Variants in PLEKHA8 observed in about 807,000 individuals in gnomAD.
PLEKHA8 encodes pleckstrin homology domain-containing family A member 8.
PLEKHA8 carries 36 observed loss-of-function variants against 68.2 expected under a neutral mutation model. That is an observed-to-expected ratio of 0.53 (90% confidence interval 0.40 to 0.70). The LOEUF (loss-of-function observed/expected upper bound fraction) is 0.70, where lower values mean the gene tolerates loss of function less well. Ranked by LOEUF, PLEKHA8 falls within the 30% of genes least tolerant of loss-of-function variation. The pLI is 0.00. For missense variants in PLEKHA8, 505 were observed against 615.4 expected (o/e 0.82, Z 1.90); for synonymous variants, 211 against 216.1 (o/e 0.98, Z 0.20).
chr7:30,051,507 G>A (rs17326236), intron 6 of PLEKHA8, among the ~76,000 whole-genome samples: 23,190 of 151,764 alleles, frequency 0.15, 1,791 homozygotes, highest in Middle Eastern at 0.2. Flanking sequence ...ATTAGGCTAG[G>A]TATAATCACC....
At chr7:30,076,488 A>G (rs1262652782) in intron 13 of PLEKHA8, among the ~76,000 whole-genome samples, 1 of 152,200 alleles carries the variant, frequency 6.6e-6, no homozygotes, top group African/African-American at 2.4e-5. Context: ...AGCACTTAAC[A>G]TGCACTAGAT....
chr7:30,056,748 T>TAAAAAAA (rs1562870903), intron 9 of PLEKHA8, among the ~76,000 whole-genome samples: 1 of 69,614 alleles, frequency 1.4e-5, no homozygotes, highest in Non-Finnish European at 2.7e-5. Flanking sequence ...AAAAAGTGTG[T>TAAAAAAA]GTGTGTGTGT....
downstream of PLEKHA8, chr7:30,129,555 A>G (rs944114771): frequency 5.3e-5 from 28 of 528,886 alleles, no homozygotes; most frequent in South Asian, 4.2e-4. Flanking sequence ...ACCTGATTTA[A>G]CAAAATCTAG....
chr7:30,104,131 A>C (rs747020169), intron 13 of PLEKHA8, among the ~76,000 whole-genome samples: 48 of 152,362 alleles, frequency 3.2e-4, no homozygotes, highest in Middle Eastern at 6.8e-3. Flanking sequence ...AGGGTAATGC[A>C]AAATAAAACT....
chr7:30,082,089 G>A lies in PLEKHA8; in HGVS notation c.*3302G>A, dbSNP rs893020237. 1 of 985,292 alleles carries A rather than the reference G, an allele frequency of 1.0e-6. No homozygotes were observed. Among genetic ancestry groups the A allele is most frequent in the Non-Finnish European group, 1.2e-6 (1 of 829,814 alleles). The allele number at this position is 985,292 out of a possible 1,614,324, so 61.0% of individuals were successfully genotyped here. A position where few individuals can be genotyped will look rare whatever the true frequency, so the allele number is the denominator to read the frequency against. ...AGAAGAGGAGCTCTCACAGAATGTT[G>A]AGCCTGTGGGCCCAAGACATTGACT... On this transcript the variant is annotated 3_prime_UTR_variant, in exon 14 of 14. Transcript: ENST00000449726.
intron 13 of PLEKHA8, chr7:30,115,719 T>C (rs1357907739): frequency 2.7e-5 from 3 of 112,352 alleles, no homozygotes; most frequent in Non-Finnish European, 6.0e-5. Flanking sequence ...CATACGCGCA[T>C]GCATGCATAC....
At position 30,078,571 on chromosome 7, in the gene PLEKHA8, A is replaced by C. The variant is rs1794755651; in HGVS notation, c.1363-19A>C. On this transcript the variant is annotated intron_variant, in intron 13 of 13. Coordinates refer to ENST00000449726, the MANE Select transcript of PLEKHA8 (RefSeq NM_001197026.2). ...AGAGACAGACTTGATGCAGATTCTCATGGGTTATTCTTTTGCAGTTAGCTT... is the reference window on the plus strand; with the variant it reads ...AGAGACAGACTTGATGCAGATTCTCCTGGGTTATTCTTTTGCAGTTAGCTT... 3.1e-6 allele frequency: 5 copies of C among 1,612,844 alleles called. No individual in the cohort carries two copies. Among genetic ancestry groups the C allele is most frequent in the Non-Finnish European group, 4.2e-6 (5 of 1,179,370 alleles).
chr7:30,076,562 AT>A (rs1042208048), intron 13 of PLEKHA8, among the ~76,000 whole-genome samples: 1 of 152,134 alleles, frequency 6.6e-6, no homozygotes, highest in Non-Finnish European at 1.5e-5. Context: ...AGATTCCATT[AT>A]TTTCCCTGCT....
chr7:30,056,798 T>A (rs948745394), intron 9 of PLEKHA8, among the ~76,000 whole-genome samples: 11 of 143,160 alleles, frequency 7.7e-5, no homozygotes, highest in African/African-American at 2.3e-4. Context: ...TATATATATG[T>A]TATGTGTATA....
intron 13 of PLEKHA8, among the ~76,000 whole-genome samples, chr7:30,075,504 A>G (rs897133873): frequency 1.3e-5 from 2 of 152,188 alleles, no homozygotes; most frequent in Non-Finnish European, 2.9e-5. Flanking sequence ...GAGTGAGGCT[A>G]TGTCAGAGCC....
chr7:30,045,613 A>G (rs539491818), intron 2 of PLEKHA8, among the ~76,000 whole-genome samples: 2 of 152,356 alleles, frequency 1.3e-5, no homozygotes, highest in African/African-American at 4.8e-5. Context: ...AATAGTCTTT[A>G]CTTCTTGTTT....
chr7:30,079,471 G>C lies in PLEKHA8; in HGVS notation c.*684G>C. 1 of 985,264 alleles carries C rather than the reference G, an allele frequency of 1.0e-6. No homozygotes were observed. The highest frequency in any genetic ancestry group is 1.2e-6 in the Non-Finnish European group (1 of 829,846). 61.0% of individuals were successfully genotyped at this position (985,264 alleles called of 1,614,324 possible). A position where few individuals can be genotyped will look rare whatever the true frequency, so the allele number is the denominator to read the frequency against. ...AGTTGGAGGGGAGAATATGAGAGAGGTGGGACAGGTCATTTGAGATGACAC... is the reference window on the plus strand; with the variant it reads ...AGTTGGAGGGGAGAATATGAGAGAGCTGGGACAGGTCATTTGAGATGACAC... On this transcript the variant is annotated 3_prime_UTR_variant, in exon 14 of 14. Coordinates refer to ENST00000449726, the MANE Select transcript of PLEKHA8 (RefSeq NM_001197026.2).
At chr7:30,108,474 TA>T (rs1263732811) in intron 13 of PLEKHA8, among the ~76,000 whole-genome samples, 2 of 152,234 alleles carry the variant, frequency 1.3e-5, no homozygotes, top group Non-Finnish European at 2.9e-5. Context: ...CTTCTGGGTT[TA>T]ATGGGTTTTA....
intron 9 of PLEKHA8, among the ~76,000 whole-genome samples, chr7:30,059,327 A>G (rs189938679): frequency 3.3e-5 from 5 of 152,234 alleles, no homozygotes; most frequent in East Asian, 3.8e-4. Flanking sequence ...TAGCATGTAC[A>G]TGCAAATTAT....
At chr7:30,069,008 T>G (rs62446712) in intron 12 of PLEKHA8, among the ~76,000 whole-genome samples, 21,930 of 152,092 alleles carry the variant, frequency 0.14, 1,603 homozygotes, top group Middle Eastern at 0.19. Flanking sequence ...AATACCAACT[T>G]TGAGAGAGAG....
At chr7:30,110,546 G>A (rs1796238459) in intron 13 of PLEKHA8, among the ~76,000 whole-genome samples, 1 of 152,146 alleles carries the variant, frequency 6.6e-6, no homozygotes, top group Non-Finnish European at 1.5e-5. Flanking sequence ...GAGCACAATT[G>A]CTTATTGCTT....
At chr7:30,129,701 C>T, downstream of PLEKHA8, 1 of 207,266 alleles carries the variant, frequency 4.8e-6, no homozygotes, top group Non-Finnish European at 1.0e-5. Context: ...CTCTCTCACA[C>T]ACTCACATAT....
intron 8 of PLEKHA8, 44 bp from the exon 9 acceptor site, chr7:30,055,213 C>A: frequency 6.5e-7 from 1 of 1,536,436 alleles, no homozygotes; most frequent in South Asian, 1.1e-5. Flanking sequence ...AGTGCTGATA[C>A]TGTATTTTCA....
intron 13 of PLEKHA8, among the ~76,000 whole-genome samples, chr7:30,112,342 G>A (rs914246357): frequency 2.6e-5 from 4 of 151,020 alleles, no homozygotes; most frequent in African/African-American, 9.8e-5. Flanking sequence ...TGACCACAAT[G>A]TACTACAATT....
Sources: allele counts gnomAD v4.1 joint callset (sites outside exome capture counted in the v4.1 genomes callset), GRCh38; gene constraint gnomAD v4.1.1; transcripts MANE v1.5; gene names NCBI Gene and HGNC (gene_info 2026-07-23, HGNC 2026-07-21).